Variants in MVK observed in about 807,000 individuals in gnomAD.
MVK encodes mevalonate kinase, also known as LH receptor mRNA-binding protein.
A neutral mutation model predicts 43.2 loss-of-function variants in MVK; 34 were observed. That is an observed-to-expected ratio of 0.79 (90% confidence interval 0.60 to 1.05). The LOEUF (loss-of-function observed/expected upper bound fraction) is 1.05. Ranked by LOEUF, MVK falls within the 50% of genes least tolerant of loss-of-function variation. The probability of loss-of-function intolerance (pLI) is 0.00; values close to 1 mark genes in which losing one functional copy is unlikely to be tolerated. For missense variants in MVK, 395 were observed against 504.0 expected (o/e 0.78, Z 2.07); for synonymous variants, 190 against 219.8 (o/e 0.86, Z 1.20).
chr12:109,579,937 G>A lies in MVK; in HGVS notation c.362G>A (p.Arg121Gln), dbSNP rs371511147. Residue 121 changes from arginine to glutamine, a missense_variant, in exon 4 of 11, where the codon CGG becomes CAG. By Grantham distance (43) the Arg-to-Gln change is conservative (BLOSUM62 1). Transcript: ENST00000228510. ...AFLYLYLSICRKQRALPSLDI... is the reference protein window; with the variant it reads ...AFLYLYLSICQKQRALPSLDI... ...CTTTACTTATACCTGTCCATCTGCC[G>A]GAAGCAGAGGTGTGTGCGTGGTCTG... 46 of 1,614,064 alleles carry A rather than the reference G, an allele frequency of 2.8e-5. No individual in the cohort carries two copies. The highest frequency in any genetic ancestry group is 3.3e-5 in the Admixed American group (2 of 60,000).
intron 6 of MVK, 73 bp downstream of exon 6, chr12:109,586,198 G>A: frequency 1.7e-6 from 2 of 1,178,724 alleles, no homozygotes; most frequent in Non-Finnish European, 2.5e-6. Context: ...GTGCCCAAGA[G>A]TCTGTGCTGG....
chr12:109,595,013 A>T lies in MVK; in HGVS notation c.886-15A>T, dbSNP rs367853629. ...AGGCAGGCCAAGTGGGAACAGATGG[A>T]ACCTTCTCCCCTAGGAGCTCATTGA... is the stretch of plus-strand genomic sequence containing the variant. On this transcript the variant is annotated splice_polypyrimidine_tract_variant and intron_variant, in intron 9 of 10. Transcript: ENST00000228510. This position sits in a 1 kb window ranked among gnomAD's most constrained non-coding sequence, Gnocchi z 5.9. 7.4e-6 allele frequency: 12 copies of T among 1,614,000 alleles called. No homozygotes were observed. The African/African-American group carries it at 1.6e-4, about 22-fold the overall frequency.
At chr12:109,592,853 C>T (rs2136249046) in intron 9 of MVK, among the ~76,000 whole-genome samples, 1 of 152,326 alleles carries the variant, frequency 6.6e-6, no homozygotes, top group African/African-American at 2.4e-5. Flanking sequence ...GTCTTCCTAG[C>T]TCTCAATTCC....
chr12:109,582,071 C>T (rs1003177723), intron 5 of MVK, among the ~76,000 whole-genome samples: 3 of 152,230 alleles, frequency 2.0e-5, no homozygotes, highest in East Asian at 1.9e-4. Context: ...GCCGTCTCCA[C>T]GGAGGGCGTG....
Position 109,595,200 on chromosome 12 carries a change from G to A in MVK, c.1039+19G>A. 1 of 1,613,646 alleles carries A rather than the reference G, an allele frequency of 6.2e-7. No individual in the cohort carries two copies. Among genetic ancestry groups the A allele is most frequent in the South Asian group, 1.1e-5 (1 of 91,080 alleles). ...AAGCCAGGTATCCCGGGGGTAGGTG[G>A]GCCAGGCTGCCAGCCTGGGCTCCTA... On this transcript the variant is annotated intron_variant, in intron 10 of 10. Transcript: ENST00000228510. This position sits in a 1 kb window ranked among gnomAD's most constrained non-coding sequence, Gnocchi z 5.9.
rs574045811 is a variant in MVK at position 109,591,304 on chromosome 12, G to A, written c.832G>A (p.Val278Met). 42 of 1,614,072 alleles carry A rather than the reference G, an allele frequency of 2.6e-5. No homozygotes were observed. The highest frequency in any genetic ancestry group is 2.5e-4 in the East Asian group (11 of 44,878). Residue 278 changes from valine (V) to methionine (M), a missense_variant, in exon 9 of 11, where the codon GTG (valine) becomes ATG (methionine). Val to Met is a conservative substitution (Grantham distance 21, BLOSUM62 1). Transcript: ENST00000228510. Reference sequence around the variant, plus strand: ...TGCCATCTCCCTGGAGTGTGAGCGCGTGCTGGGAGAGATGGGGGAAGCCCC... The same window carrying A: ...TGCCATCTCCCTGGAGTGTGAGCGCATGCTGGGAGAGATGGGGGAAGCCCC... ...IDAISLECER[V>M]LGEMGEAPAP...
At chr12:109,575,949 C>T (rs1421152456) in intron 2 of MVK, 49 bp from the exon 3 acceptor site, 2 of 1,612,006 alleles carry the variant, frequency 1.2e-6, no homozygotes, top group African/African-American at 2.7e-5. Context: ...GGTCCTGGCC[C>T]CTTTGCCACT....
chr12:109,592,513 C>T (rs545202836), intron 9 of MVK, among the ~76,000 whole-genome samples: 9 of 152,340 alleles, frequency 5.9e-5, no homozygotes, highest in Admixed American at 2.0e-4. Context: ...TGGTGTCTCC[C>T]GGTCCCCCGT....
chr12:109,585,940 G>T, intron 5 of MVK, 82 bp from the exon 6 acceptor site: 1 of 1,133,332 alleles, frequency 8.8e-7, no homozygotes, highest in Non-Finnish European at 1.3e-6. Context: ...ATGCCCCTTG[G>T]CCTGCCCAGC....
At chr12:109,584,986 G>C (rs750515410) in intron 5 of MVK, among the ~76,000 whole-genome samples, 10 of 152,230 alleles carry the variant, frequency 6.6e-5, no homozygotes, top group Non-Finnish European at 1.5e-4. Flanking sequence ...GCTGTTTCAT[G>C]AGGAAGGGAA....
chr12:109,590,346 C>G (rs540764268), intron 7 of MVK: 1 of 325,838 alleles, frequency 3.1e-6, no homozygotes, highest in Admixed American at 4.1e-5. Context: ...CACCTCCAGG[C>G]TCACACAGGC....
intron 5 of MVK, among the ~76,000 whole-genome samples, chr12:109,585,194 GTC>G (rs1885383305): frequency 6.6e-6 from 1 of 152,252 alleles, no homozygotes; most frequent in African/African-American, 2.4e-5. Context: ...CCCTCCAGGG[GTC>G]TCTGGGGCTC....
chr12:109,582,603 T>TCCCAC (rs3842306), intron 5 of MVK, among the ~76,000 whole-genome samples: 1 of 144,342 alleles, frequency 6.9e-6, no homozygotes, highest in African/African-American at 2.6e-5. Context: ...AGAGTAGACC[T>TCCCAC]CCCACCCCAC....
intron 3 of MVK, 123 bp from the exon 4 acceptor site, chr12:109,579,679 C>T: frequency 2.2e-6 from 3 of 1,348,508 alleles, no homozygotes; most frequent in East Asian, 2.4e-5. Context: ...GGGGTTCAGA[C>T]CATAAATTCG....
chr12:109,575,452 C>T (rs1884903865), intron 2 of MVK, among the ~76,000 whole-genome samples: 1 of 151,382 alleles, frequency 6.6e-6, no homozygotes, highest in African/African-American at 2.4e-5. Flanking sequence ...GACAGTCTTG[C>T]TCTGTCACCG....
chr12:109,585,391 T>C (rs558338737), intron 5 of MVK, among the ~76,000 whole-genome samples: 1 of 152,256 alleles, frequency 6.6e-6, no homozygotes, highest in Admixed American at 6.5e-5. Flanking sequence ...TAGACACACA[T>C]GCAGCTAGCC....
intron 5 of MVK, among the ~76,000 whole-genome samples, chr12:109,585,621 T>G (rs1287884819): frequency 1.3e-5 from 2 of 151,942 alleles, no homozygotes; most frequent in African/African-American, 4.8e-5. Flanking sequence ...ATACAAAAAT[T>G]AGCTGGGCGT....
chr12:109,590,281 G>A (rs979619250), intron 7 of MVK: 1 of 262,140 alleles, frequency 3.8e-6, no homozygotes, highest in Non-Finnish European at 7.6e-6. Context: ...CCCCCTCCTT[G>A]TACTCTGCTA....
chr12:109,573,378 G>A (rs991822103), upstream of MVK: 1 of 1,612,916 alleles, frequency 6.2e-7, no homozygotes, highest in Non-Finnish European at 8.5e-7. Flanking sequence ...TGAGGGCCGC[G>A]GCTCTGGAAA....
Sources: gnomAD v4.1 joint callset for allele counts (sites outside exome capture counted in the v4.1 genomes callset) on GRCh38, gnomAD v4.1.1 for gene constraint, Gnocchi (gnomAD v3.1) non-coding constraint, MANE v1.5 for transcripts, NCBI Gene and HGNC (gene_info 2026-07-23, HGNC 2026-07-21) for gene names.